The following CASK variants were observed in gnomAD, a reference collection of about 807,000 sequenced individuals.
CASK encodes calcium/calmodulin dependent serine protein kinase, also known as peripheral plasma membrane protein CASK.
A neutral mutation model predicts 82.9 loss-of-function variants in CASK; 4 were observed. That is an observed-to-expected ratio of 0.05 (90% CI 0.02 to 0.11). The LOEUF is 0.11. Among genes scored for constraint, CASK ranks in the 10% least tolerant of loss-of-function variants. CASK has a pLI of 1.00. For missense variants in CASK, 358 were observed against 720.9 expected (o/e 0.50, Z 5.76); for synonymous variants, 259 against 253.5 (o/e 1.02, Z -0.20).
intron 1 of CASK, among the ~76,000 whole-genome samples, chrX:41,869,079 G>T (rs1248537782): frequency 9.0e-6 from 1 of 111,355 alleles, no homozygotes; most frequent in Non-Finnish European, 1.9e-5. Flanking sequence ...CTTAAATTTT[G>T]CCAGTTGATG....
At chrX:41,754,966 C>T (rs543361443) in intron 3 of CASK, among the ~76,000 whole-genome samples, 65 of 106,610 alleles carry the variant, frequency 6.1e-4, no homozygotes, top group African/African-American at 1.9e-3. Flanking sequence ...GCAACCTCCA[C>T]CTCCCGCGTT....
intron 8 of CASK, among the ~76,000 whole-genome samples, chrX:41,659,792 A>G (rs1330682578): frequency 1.8e-5 from 2 of 110,226 alleles, no homozygotes; most frequent in Non-Finnish European, 3.8e-5. Flanking sequence ...CGAGTCCAGG[A>G]GTTTGAGACA....
At chrX:41,695,414 C>T (rs1302777065) in intron 5 of CASK, 45 of 290,697 alleles carry the variant, frequency 1.5e-4, no homozygotes, top group Non-Finnish European at 2.5e-4. Context: ...CTCCTGGGTT[C>T]AAGCAATCCT....
chrX:41,542,303 G>A (rs1252395665), intron 22 of CASK, among the ~76,000 whole-genome samples: 4 of 112,520 alleles, frequency 3.6e-5, no homozygotes, highest in Non-Finnish European at 7.5e-5. Context: ...TCAGGGCCAC[G>A]CCCAAGGGCC....
At chrX:41,651,537 C>A (rs1033427992) in intron 8 of CASK, among the ~76,000 whole-genome samples, 1 of 111,230 alleles carries the variant, frequency 9.0e-6, no homozygotes. Flanking sequence ...ACTGCAGGTG[C>A]GCACCACCAC....
At chrX:41,677,890 C>G (rs2067295466) in intron 5 of CASK, among the ~76,000 whole-genome samples, 1 of 112,508 alleles carries the variant, frequency 8.9e-6, no homozygotes, top group South Asian at 3.6e-4. Context: ...AAAACAAAAA[C>G]AAACAAACGA....
At chrX:41,895,454 G>A (rs1268576680) in intron 1 of CASK, among the ~76,000 whole-genome samples, 2 of 111,535 alleles carry the variant, frequency 1.8e-5, no homozygotes, top group Non-Finnish European at 3.8e-5. Flanking sequence ...CCCTTGACAA[G>A]CTCTTATTCT....
At chrX:41,591,740 G>A (rs1045568381) in intron 12 of CASK, among the ~76,000 whole-genome samples, 3 of 109,986 alleles carry the variant, frequency 2.7e-5, no homozygotes, top group Non-Finnish European at 3.8e-5. Flanking sequence ...CTCCCAAAGC[G>A]CTGGAATTAC....
chrX:41,553,315 C>A (rs1264971980), intron 21 of CASK, among the ~76,000 whole-genome samples: 1 of 111,857 alleles, frequency 8.9e-6, no homozygotes, highest in Non-Finnish European at 1.9e-5. Context: ...TGAAGCACTG[C>A]ACCTACATTT....
At chrX:41,873,218 C>T (rs1198970533) in intron 1 of CASK, among the ~76,000 whole-genome samples, 2 of 103,308 alleles carry the variant, frequency 1.9e-5, no homozygotes, top group African/African-American at 7.1e-5. Context: ...AACTCTGACT[C>T]CATTCAAGGA....
intron 2 of CASK, among the ~76,000 whole-genome samples, chrX:41,793,110 A>C (rs1489753388): frequency 8.9e-6 from 1 of 112,436 alleles, no homozygotes; most frequent in Non-Finnish European, 1.9e-5. Flanking sequence ...TTTAATAACT[A>C]AATCTGGAAT....
At chrX:41,869,361 G>A (rs2071652398) in intron 1 of CASK, among the ~76,000 whole-genome samples, 1 of 111,814 alleles carries the variant, frequency 8.9e-6, no homozygotes, top group African/African-American at 3.3e-5. Context: ...CTTTTATCTG[G>A]TGGTCCATGG....
intron 1 of CASK, among the ~76,000 whole-genome samples, chrX:41,906,129 C>T (rs1413397469): frequency 8.9e-6 from 1 of 111,956 alleles, no homozygotes; most frequent in Non-Finnish European, 1.9e-5. Context: ...TGACTTTGTG[C>T]ATTATAGGCC....
intron 3 of CASK, among the ~76,000 whole-genome samples, chrX:41,771,139 T>C (rs1282240591): frequency 8.9e-6 from 1 of 112,106 alleles, no homozygotes; most frequent in Non-Finnish European, 1.9e-5. Context: ...TTTAATAACC[T>C]GAGAAATAAT....
chrX:41,649,549 A>G (rs954974432), intron 8 of CASK, among the ~76,000 whole-genome samples: 1 of 109,486 alleles, frequency 9.1e-6, no homozygotes, highest in Non-Finnish European at 1.9e-5. Context: ...TTCAGTTTCC[A>G]TGTAGTTGAG....
At chrX:41,800,789 G>C (rs181875106) in intron 2 of CASK, among the ~76,000 whole-genome samples, 1 of 111,313 alleles carries the variant, frequency 9.0e-6, no homozygotes, top group Non-Finnish European at 1.9e-5. Context: ...TACTGAGAAT[G>C]ATGATTTCCA....
chrX:41,568,627 C>T (rs1380541908), intron 16 of CASK, among the ~76,000 whole-genome samples: 2 of 111,943 alleles, frequency 1.8e-5, no homozygotes, highest in African/African-American at 6.5e-5. Context: ...TAACTCAATC[C>T]TTTCAAAGAA....
chrX:41,747,442 A>G (rs1018326701), intron 3 of CASK, among the ~76,000 whole-genome samples: 12 of 110,808 alleles, frequency 1.1e-4, no homozygotes, highest in Non-Finnish European at 2.3e-4. Context: ...GGTATATACA[A>G]TAGCATTTTT....
At chrX:41,594,439 C>G (rs2065787452) in intron 12 of CASK, among the ~76,000 whole-genome samples, 1 of 112,362 alleles carries the variant, frequency 8.9e-6, no homozygotes, top group African/African-American at 3.2e-5. Context: ...CTCACTATCT[C>G]ATTCTCTGGA....
Sources: allele counts gnomAD v4.1 joint callset (sites outside exome capture counted in the v4.1 genomes callset), GRCh38; gene constraint gnomAD v4.1.1; transcripts MANE v1.5; gene names NCBI Gene and HGNC (gene_info 2026-07-23, HGNC 2026-07-21).